SPRTN: variants seen among roughly 807,000 people sequenced by gnomAD.
SPRTN encodes SprT-like N-terminal domain.
SPRTN carries 11 observed loss-of-function variants against 31.9 expected under a neutral mutation model. The ratio of observed to expected loss-of-function variants is 0.34; its 90% CI spans 0.22 to 0.57. The LOEUF (loss-of-function observed/expected upper bound fraction) is 0.57, where lower values mean the gene tolerates loss of function less well. Ranked by LOEUF, SPRTN falls within the 20% of genes least tolerant of loss-of-function variation. The probability of loss-of-function intolerance (pLI) is 0.86; values close to 1 mark genes in which losing one functional copy is unlikely to be tolerated. For missense variants in SPRTN, 482 were observed against 590.1 expected (o/e 0.82, Z 1.90); for synonymous variants, 185 against 212.1 (o/e 0.87, Z 1.11).
chr1:231,349,057 A>T (rs1398924032), intron 3 of SPRTN, among the ~76,000 whole-genome samples: 1 of 151,698 alleles, frequency 6.6e-6, no homozygotes, highest in Non-Finnish European at 1.5e-5. Flanking sequence ...TGCAGATTCA[A>T]CCTCCTGGGC....
chr1:231,352,390 AAT>A, intron 4 of SPRTN: 1 of 1,216,092 alleles, frequency 8.2e-7, no homozygotes. Context: ...TCTTTATTTA[AAT>A]ATGAGAGAAT....
chr1:231,347,593 G>A (rs1687099599), intron 2 of SPRTN: 6 of 518,898 alleles, frequency 1.2e-5, no homozygotes, highest in Non-Finnish European at 1.9e-5. Flanking sequence ...CCAACCCCTG[G>A]GCTCAAGTGA....
chr1:231,340,057 A>AAC (rs1553343421), intron 2 of SPRTN, 189 bp downstream of exon 2: 27 of 501,748 alleles, frequency 5.4e-5, no homozygotes, highest in Admixed American at 4.5e-4. Context: ...TAAAAAAAAA[A>AAC]AAAACAAAAA....
rs901479158 is a variant in SPRTN at position 231,352,401 on chromosome 1, A to C, written c.719-209A>C. 48 of 1,224,688 alleles carry C rather than the reference A, an allele frequency of 3.9e-5. No individual in the cohort carries two copies. In the African/African-American group the frequency reaches 7.0e-4, roughly 18 times the overall value. 75.9% of individuals were successfully genotyped at this position (1,224,688 alleles called of 1,614,324 possible). A position where few individuals can be genotyped will look rare whatever the true frequency, so the allele number is the denominator to read the frequency against. Reference sequence around the variant, plus strand: ...AGATTCTTTATTTAAATATGAGAGAATTTTTTTTTATCCTTTATATTCTCT... The same window carrying C: ...AGATTCTTTATTTAAATATGAGAGACTTTTTTTTTATCCTTTATATTCTCT... On this transcript the variant is annotated intron_variant, in intron 4 of 4. Transcript: ENST00000295050.
In SPRTN at chr1:231,354,997, AT is replaced by A; in HGVS notation, c.*1640del. 1.2e-6 allele frequency: 1 copy of A among 856,088 alleles called. No homozygotes were observed. The highest frequency in any genetic ancestry group is 1.4e-6 in the Non-Finnish European group (1 of 711,962). The allele number at this position is 856,088 out of a possible 1,614,324, so 53.0% of individuals were successfully genotyped here. On this transcript the variant is annotated 3_prime_UTR_variant, in exon 5 of 5. Transcript: ENST00000295050. The stretch of plus-strand genomic sequence containing the variant: ...TTGATATTCCTTAAAGCATTAAAAC[AT>A]TTTAATAAATACTTATAAATAGGTA...
At chr1:231,343,691 C>T (rs1333029507) in intron 2 of SPRTN, among the ~76,000 whole-genome samples, 2 of 152,070 alleles carry the variant, frequency 1.3e-5, no homozygotes, top group Non-Finnish European at 2.9e-5. Context: ...GGAGCCTGTC[C>T]CAGGTCTCAT....
Position 231,351,545 on chromosome 1 carries a change from A to T in SPRTN, c.692A>T (p.Glu231Val), listed in dbSNP as rs763246505. ...KGKGKAKLGKEPVLAAENKDK... is the reference protein window; with the variant it reads ...KGKGKAKLGKVPVLAAENKDK... ...AAAGGAAAGGCAAAACTAGGAAAGG[A>T]ACCAGTATTGGCCGCAGAGAATAAA... is the stretch of plus-strand genomic sequence containing the variant. Residue 231 changes from glutamate to valine, a missense_variant, in exon 4 of 5, where the codon GAA becomes GTA. By Grantham distance (121) the Glu-to-Val change is moderately radical. Coordinates refer to ENST00000295050, the MANE Select transcript of SPRTN (RefSeq NM_032018.7). The T allele has an allele frequency of 1.2e-6, 2 of 1,614,178 alleles. No individual in the cohort carries two copies. The highest frequency in any genetic ancestry group is 8.5e-7 in the Non-Finnish European group (1 of 1,180,018).
In SPRTN at chr1:231,346,361, A is replaced by AT. The variant is rs764820603; in HGVS notation, c.322-1418dup. On this transcript the variant is annotated intron_variant, in intron 2 of 4. Coordinates refer to ENST00000295050, the MANE Select transcript of SPRTN (RefSeq NM_032018.7). ...GCGGGCGCAACTATGCCCAGCCAAA[A>AT]TTTTTTTTTTTTTTTTTTGTATTTT... Among the ~76,000 whole-genome samples, 638 of 129,442 alleles carry AT rather than the reference A, an allele frequency of 4.9e-3. 1 individual carries two copies. The highest frequency in any genetic ancestry group is 6.3e-3 in the African/African-American group (219 of 34,924). The allele number at this position is 129,442 out of a possible 152,430, so 84.9% of individuals were successfully genotyped here. A position where few individuals can be genotyped will look rare whatever the true frequency, so the allele number is the denominator to read the frequency against.
At chr1:231,344,380 G>A (rs1024136228) in intron 2 of SPRTN, among the ~76,000 whole-genome samples, 1 of 152,106 alleles carries the variant, frequency 6.6e-6, no homozygotes, top group Admixed American at 6.6e-5. Flanking sequence ...GGTGACATGC[G>A]CCTGTAATCC....
At chr1:231,350,917 G>A (rs1031919563) in intron 3 of SPRTN, among the ~76,000 whole-genome samples, 1 of 152,046 alleles carries the variant, frequency 6.6e-6, no homozygotes, top group Non-Finnish European at 1.5e-5. Flanking sequence ...CAGTGGGAAT[G>A]ATTCTTATTT....
chr1:231,353,207 C>T lies in SPRTN; in HGVS notation c.1316C>T (p.Thr439Ile), dbSNP rs142369937. The change falls in exon 5 of 5, where the codon ACC becomes ATC. Residue 439 changes from threonine (T) to isoleucine (I), a missense_variant. By Grantham distance (89) the Thr-to-Ile change is moderately conservative. This residue lies in a region of SPRTN where 325 missense variants were observed against 350.2 expected (regional missense o/e 0.93). Coordinates refer to ENST00000295050, the MANE Select transcript of SPRTN (RefSeq NM_032018.7). ...SSGNDPKYSTTTAQNSSSSSS... is the reference protein window; with the variant it reads ...SSGNDPKYSTITAQNSSSSSS... ...GGTAATGATCCAAAGTATAGTACAACCACAGCTCAGAATTCCAGCAGTTCA... is the reference window on the plus strand; with the variant it reads ...GGTAATGATCCAAAGTATAGTACAATCACAGCTCAGAATTCCAGCAGTTCA... 1.5e-4 allele frequency: 237 copies of T among 1,613,830 alleles called. No homozygotes were observed. The highest frequency in any genetic ancestry group is 1.9e-4 in the Non-Finnish European group (225 of 1,179,966).
chr1:231,352,322 C>CATTAATT, intron 4 of SPRTN: 1 of 1,101,110 alleles, frequency 9.1e-7, no homozygotes, highest in Non-Finnish European at 1.1e-6. Context: ...ACATAAAGGA[C>CATTAATT]ACTAAGCAAT....
intron 2 of SPRTN, among the ~76,000 whole-genome samples, chr1:231,340,312 A>G (rs1686843175): frequency 6.6e-6 from 1 of 152,196 alleles, no homozygotes. Context: ...GCTTGCAATG[A>G]GCCGAGATCG....
At chr1:231,347,471 C>T (rs1020781820) in intron 2 of SPRTN, among the ~76,000 whole-genome samples, 1 of 152,126 alleles carries the variant, frequency 6.6e-6, no homozygotes, top group East Asian at 1.9e-4. Flanking sequence ...GAGGATCCTC[C>T]CACCTCAGCC....
intron 2 of SPRTN, 194 bp downstream of exon 2, chr1:231,340,062 CAAAA>C (rs1159390029): frequency 1.4e-5 from 5 of 349,066 alleles, no homozygotes; most frequent in East Asian, 5.9e-5. Flanking sequence ...AAAAAAAAAA[CAAAA>C]AAAAGGCTTC....
chr1:231,351,891 A>G (rs750372488), intron 4 of SPRTN: 973 of 1,026,026 alleles, frequency 9.5e-4, no homozygotes, highest in Non-Finnish European at 1.1e-3. Context: ...TCCTTTCCCT[A>G]TCTTGACTCA....
At chr1:231,341,284 A>G (rs1267425633) in intron 2 of SPRTN, among the ~76,000 whole-genome samples, 8 of 152,194 alleles carry the variant, frequency 5.3e-5, no homozygotes, top group Non-Finnish European at 1.2e-4. Context: ...TATTGTGGCT[A>G]TAAGGTTGAG....
chr1:231,352,278 G>A, intron 4 of SPRTN: 7 of 1,034,300 alleles, frequency 6.8e-6, no homozygotes, highest in African/African-American at 1.7e-5. Flanking sequence ...GGAAAGATAA[G>A]AATGAGGCAG....
chr1:231,347,838 T>G lies in SPRTN; in HGVS notation c.363T>G (p.Thr121=). 6.2e-7 allele frequency: 1 copy of G among 1,613,756 alleles called. No individual in the cohort carries two copies. The highest frequency in any genetic ancestry group is 8.5e-7 in the Non-Finnish European group (1 of 1,179,940). Residue 121 remains threonine, a synonymous_variant, in exon 3 of 5, where the codon ACT becomes ACG. Coordinates refer to ENST00000295050, the MANE Select transcript of SPRTN (RefSeq NM_032018.7). ...HEMIHAYLFV[T]NNDKDREGHG... ...TGATACATGCCTATTTATTTGTCAC[T>G]AATAACGACAAAGACCGAGAAGGGC...
Sources: allele counts gnomAD v4.1 joint callset (sites outside exome capture counted in the v4.1 genomes callset), GRCh38; gene constraint gnomAD v4.1.1; regional missense constraint gnomAD v4.1.1; transcripts MANE v1.5; gene names NCBI Gene and HGNC (gene_info 2026-07-23, HGNC 2026-07-21).